The following SAMD12 variants were observed in gnomAD, a reference collection of about 807,000 sequenced individuals.
SAMD12 encodes the protein sterile alpha motif domain-containing protein 12.
SAMD12 carries 9 observed loss-of-function variants against 15.0 expected under a neutral mutation model. The observed-to-expected ratio is 0.60, with a 90% confidence interval of 0.36 to 1.05. The LOEUF (loss-of-function observed/expected upper bound fraction) is 1.05. SAMD12 is among the 50% of genes least tolerant of loss of function. The pLI is 0.01. For missense variants in SAMD12, 230 were observed against 234.2 expected, an observed-to-expected ratio of 0.98 and a Z score of 0.12; for synonymous variants, 86 against 90.1, an observed-to-expected ratio of 0.96 and a Z score of 0.25.
chr8:118,309,380 ATGTG>A (rs35576833), intron 4 of SAMD12, among the ~76,000 whole-genome samples: 38 of 143,966 alleles, frequency 2.6e-4, no homozygotes, highest in South Asian at 8.7e-4. Flanking sequence ...TGAGATATAT[ATGTG>A]TGTGTGTGTG....
chr8:118,617,344 T>C (rs2131326680), intron 1 of SAMD12, among the ~76,000 whole-genome samples: 1 of 152,372 alleles, frequency 6.6e-6, no homozygotes, highest in South Asian at 2.1e-4. Flanking sequence ...TATTATTACT[T>C]AGCCTTACAA....
At chr8:118,447,702 TAA>T (rs1822957324) in intron 2 of SAMD12, among the ~76,000 whole-genome samples, 1 of 105,792 alleles carries the variant, frequency 9.5e-6, no homozygotes, top group African/African-American at 4.5e-5. Flanking sequence ...TTTTTATTTT[TAA>T]TATTTATTTA....
the SAMD12 span, among the ~76,000 whole-genome samples, chr8:118,161,708 ATTTATT>A: frequency 3.0e-5 from 2 of 66,786 alleles, no homozygotes; most frequent in Admixed American, 2.8e-4. Context: ...ATAATAAATT[ATTTATT>A]ATTATTATTA....
chr8:118,402,793 C>A (rs1325499079), intron 3 of SAMD12, among the ~76,000 whole-genome samples: 6 of 152,100 alleles, frequency 3.9e-5, no homozygotes. Flanking sequence ...CAGAATTACC[C>A]CAAAATATTA....
At chr8:118,135,621 C>T in the SAMD12 span, among the ~76,000 whole-genome samples, 1 of 152,142 alleles carries the variant, frequency 6.6e-6, no homozygotes, top group African/African-American at 2.4e-5. Context: ...TAGCTCACTG[C>T]AGCCTCAACC....
intron 4 of SAMD12, among the ~76,000 whole-genome samples, chr8:118,241,129 C>T (rs982901822): frequency 2.0e-5 from 3 of 152,122 alleles, no homozygotes; most frequent in Non-Finnish European, 1.5e-5. Flanking sequence ...TGGTCTGCAC[C>T]GAGGTCAAAG....
At chr8:118,390,772 T>C (rs138318386) in intron 3 of SAMD12, among the ~76,000 whole-genome samples, 1 of 152,286 alleles carries the variant, frequency 6.6e-6, no homozygotes, top group African/African-American at 2.4e-5. Flanking sequence ...AGGCCCCTTC[T>C]CTGGGCCAAG....
At chr8:118,529,160 C>T (rs1825616974) in intron 2 of SAMD12, among the ~76,000 whole-genome samples, 1 of 152,178 alleles carries the variant, frequency 6.6e-6, no homozygotes, top group African/African-American at 2.4e-5. Flanking sequence ...CAGGAACTTA[C>T]ACTATACCAG....
At chr8:118,232,129 C>T (rs1408310301) in intron 4 of SAMD12, among the ~76,000 whole-genome samples, 1 of 152,098 alleles carries the variant, frequency 6.6e-6, no homozygotes, top group Non-Finnish European at 1.5e-5. Context: ...AGCATTTACC[C>T]CACTGTTCTA....
chr8:118,183,225 T>C, the SAMD12 span, among the ~76,000 whole-genome samples: 16 of 152,206 alleles, frequency 1.1e-4, no homozygotes, highest in African/African-American at 3.1e-4. Flanking sequence ...GGAGGAACTT[T>C]GCTGCAACTT....
chr8:118,540,917 G>A (rs1422819792), intron 2 of SAMD12, among the ~76,000 whole-genome samples: 1 of 152,186 alleles, frequency 6.6e-6, no homozygotes, highest in African/African-American at 2.4e-5. Flanking sequence ...CTGGCCCAGA[G>A]GTGGACATGT....
In SAMD12 at chr8:118,356,166, C is replaced by T. The variant is rs543552410; in HGVS notation, c.433+23394G>A. ...CAACTCTCTGAGCTAGGTATATGTG[C>T]TCCCATTTTACTTAAAAGAAAACTT... On this transcript the variant is annotated intron_variant, in intron 4 of 4. Transcript: ENST00000409003. Among the ~76,000 whole-genome samples the T allele has an allele frequency of 2.0e-4, 31 of 152,258 alleles. No homozygotes were observed. In the Middle Eastern group the frequency reaches 0.01, roughly 50 times the overall value.
At chr8:118,536,806 C>T (rs1825857576) in intron 2 of SAMD12, among the ~76,000 whole-genome samples, 1 of 152,144 alleles carries the variant, frequency 6.6e-6, no homozygotes, top group Admixed American at 6.5e-5. Context: ...AGCTTATACA[C>T]CACAATTACA....
chr8:118,379,596 G>C lies in SAMD12; in HGVS notation c.427C>G (p.Arg143Gly), dbSNP rs764723335. Residue 143 changes from arginine (R) to glycine (G), a missense_variant, in exon 4 of 4, where the codon CGA (arginine) becomes GGA (glycine). Arg to Gly is a moderately radical substitution (Grantham distance 125). Coordinates refer to ENST00000314727, the MANE Select transcript of SAMD12 (RefSeq NM_207506.3). ...ILQQVLQLKV[R>G]EEVRNLQLLT... ...AACTGTAGATTTCTGACTTCTTCTCGCACCTTCAGCTGGAGCACCTGTTGT... is the reference window on the plus strand; with the variant it reads ...AACTGTAGATTTCTGACTTCTTCTCCCACCTTCAGCTGGAGCACCTGTTGT... 24 of 1,613,752 alleles carry C rather than the reference G, an allele frequency of 1.5e-5. No homozygotes were observed. The highest frequency in any genetic ancestry group is 1.9e-5 in the Non-Finnish European group (22 of 1,179,892).
intron 4 of SAMD12, among the ~76,000 whole-genome samples, chr8:118,248,138 G>A (rs765947364): frequency 1.3e-5 from 2 of 152,076 alleles, no homozygotes; most frequent in Non-Finnish European, 2.9e-5. Flanking sequence ...TGGACTGGTA[G>A]GATCATTTCA....
chr8:118,419,914 C>T (rs939133401), intron 3 of SAMD12, among the ~76,000 whole-genome samples: 1 of 152,174 alleles, frequency 6.6e-6, no homozygotes, highest in African/African-American at 2.4e-5. Context: ...CTGCTGTGTA[C>T]CTACCACTGG....
the SAMD12 span, among the ~76,000 whole-genome samples, chr8:118,146,694 A>C: frequency 1.3e-5 from 2 of 152,182 alleles, no homozygotes; most frequent in East Asian, 1.9e-4. Context: ...GGAAGCATAG[A>C]GCCAAGGAGC....
chr8:118,447,144 C>A (rs1822938329), intron 2 of SAMD12, among the ~76,000 whole-genome samples: 1 of 152,064 alleles, frequency 6.6e-6, no homozygotes, highest in African/African-American at 2.4e-5. Context: ...CCTGATAATT[C>A]TACCCTCAAA....
intron 4 of SAMD12, among the ~76,000 whole-genome samples, chr8:118,248,998 C>A (rs1008455097): frequency 1.9e-4 from 29 of 152,178 alleles, no homozygotes; most frequent in African/African-American, 6.3e-4. Flanking sequence ...CCCCACGGAT[C>A]CCAAAATCTG....
Sources: allele counts gnomAD v4.1 joint callset (sites outside exome capture counted in the v4.1 genomes callset), GRCh38; gene constraint gnomAD v4.1.1; transcripts MANE v1.5; gene names NCBI Gene and HGNC (gene_info 2026-07-23, HGNC 2026-07-21).